ATE1: variants seen among roughly 807,000 people sequenced by gnomAD.
ATE1 encodes the protein arginyl-tRNA--protein transferase 1.
ATE1 carries 36 observed loss-of-function variants against 70.5 expected under a neutral mutation model. The observed-to-expected ratio is 0.51, with a 90% CI of 0.39 to 0.67. The LOEUF (loss-of-function observed/expected upper bound fraction) is 0.67. ATE1 is among the 30% of genes least tolerant of loss of function. The pLI is 0.00. For missense variants in ATE1, 593 were observed against 629.5 expected, an observed-to-expected ratio of 0.94 and a Z score of 0.62; for synonymous variants, 232 against 219.3, an observed-to-expected ratio of 1.06 and a Z score of -0.51.
chr10:121,876,355 AC>A (rs1564918649), intron 7 of ATE1, among the ~76,000 whole-genome samples: 1 of 152,198 alleles, frequency 6.6e-6, no homozygotes, highest in African/African-American at 2.4e-5. Context: ...ATATCTTTTT[AC>A]TATTTTTTGC....
chr10:121,867,058 G>C (rs1949689640), intron 8 of ATE1, among the ~76,000 whole-genome samples: 2 of 152,002 alleles, frequency 1.3e-5, no homozygotes, highest in African/African-American at 4.8e-5. Flanking sequence ...TTTTAGCTGA[G>C]TCCTACCAAA....
At chr10:121,814,328 C>G (rs565496742) in intron 10 of ATE1, among the ~76,000 whole-genome samples, 2 of 152,300 alleles carry the variant, frequency 1.3e-5, no homozygotes, top group African/African-American at 4.8e-5. Flanking sequence ...GCAAAGGAAT[C>G]TGGATTTAAG....
At chr10:121,865,688 G>C (rs1949641145) in intron 8 of ATE1, among the ~76,000 whole-genome samples, 1 of 152,146 alleles carries the variant, frequency 6.6e-6, no homozygotes, top group East Asian at 1.9e-4. Context: ...TGCCTGACTT[G>C]ACGAGGTGAT....
chr10:121,830,326 C>T lies in ATE1; in HGVS notation c.1257+6392G>A, dbSNP rs139580986. 2.9e-3 allele frequency among the ~76,000 whole-genome samples: 441 copies of T among 152,188 alleles called. 3 individuals are homozygous for T. Among genetic ancestry groups the T allele is most frequent in the African/African-American group, 9.8e-3 (409 of 41,528 alleles). ...TGTCTAGTGGGAGTGAGTAGGTTCT[C>T]ACTCTCATGGGAATGGATGTGTTCC... On this transcript the variant is annotated intron_variant, in intron 10 of 11. Transcript: ENST00000224652.
intron 3 of ATE1, among the ~76,000 whole-genome samples, chr10:121,920,134 G>T (rs566968829): frequency 2.0e-5 from 3 of 152,186 alleles, no homozygotes; most frequent in African/African-American, 7.2e-5. Context: ...TATACACATT[G>T]AAATTGGGGG....
intron 11 of ATE1, among the ~76,000 whole-genome samples, chr10:121,788,978 G>C (rs1946322458): frequency 6.6e-6 from 1 of 152,186 alleles, no homozygotes; most frequent in East Asian, 1.9e-4. Flanking sequence ...AGACTACAGG[G>C]AGGTAAACAA....
At chr10:121,844,682 C>T (rs1948749926) in intron 8 of ATE1, among the ~76,000 whole-genome samples, 1 of 152,132 alleles carries the variant, frequency 6.6e-6, no homozygotes, top group Non-Finnish European at 1.5e-5. Flanking sequence ...CTGGAAGCAA[C>T]CAAGATGTCC....
chr10:121,893,537 AATAATT>A (rs1950656981), intron 7 of ATE1, among the ~76,000 whole-genome samples: 1 of 152,238 alleles, frequency 6.6e-6, no homozygotes, highest in South Asian at 2.1e-4. Flanking sequence ...TATATAAAGG[AATAATT>A]ATAATTATTG....
At chr10:121,874,607 C>T (rs1949970455) in intron 7 of ATE1, among the ~76,000 whole-genome samples, 2 of 152,142 alleles carry the variant, frequency 1.3e-5, no homozygotes, top group Admixed American at 1.3e-4. Context: ...TTTTTTATAG[C>T]TATTCTCTAT....
intron 10 of ATE1, among the ~76,000 whole-genome samples, chr10:121,804,387 T>C (rs1780386018): frequency 6.6e-6 from 1 of 152,150 alleles, no homozygotes; most frequent in African/African-American, 2.4e-5. Context: ...GAGCCAATCA[T>C]CACCAAACAA....
In ATE1 at chr10:121,763,002, ACT is replaced by A. The variant is rs1945118302; in HGVS notation, c.1379-19146_1379-19145del. On this transcript the variant is annotated intron_variant, in intron 11 of 11. Transcript: ENST00000224652. ...TATTGATGATGTTAACTGAAGACTT[ACT>A]GCATATGACGTGAGGGCAGGATACT... is the stretch of plus-strand genomic sequence containing the variant. Among the ~76,000 whole-genome samples, 3 of 152,300 alleles carry A rather than the reference ACT, an allele frequency of 2.0e-5. No individual in the cohort carries two copies. The South Asian group carries it at 6.2e-4, about 32-fold the overall frequency.
At chr10:121,921,733 T>A (rs1189153972) in intron 3 of ATE1, among the ~76,000 whole-genome samples, 1 of 152,144 alleles carries the variant, frequency 6.6e-6, no homozygotes, top group African/African-American at 2.4e-5. Context: ...TGCCTCTGTA[T>A]CCCTGCTTTC....
intron 8 of ATE1, chr10:121,846,731 A>C (rs1362257177): frequency 7.2e-6 from 1 of 138,036 alleles, no homozygotes; most frequent in Non-Finnish European, 1.7e-5. Context: ...TAAATAAATA[A>C]ATAAATAAAT....
intron 7 of ATE1, among the ~76,000 whole-genome samples, chr10:121,874,029 T>C (rs1949949683): frequency 6.6e-6 from 1 of 152,190 alleles, no homozygotes; most frequent in Non-Finnish European, 1.5e-5. Context: ...TCCTGGGCTT[T>C]TCACTTATTG....
rs185538523 is a variant in ATE1, at chr10:121,912,006, A to G, written c.338-855T>C. The stretch of plus-strand genomic sequence containing the variant: ...CGTGATCCACCTGCCTCGGCCTCCC[A>G]AAGTGCTGGGATTACAGGCGTGAAC... On this transcript the variant is annotated intron_variant, in intron 4 of 11. Transcript: ENST00000224652. Among the ~76,000 whole-genome samples the G allele has an allele frequency of 1.1e-3, 172 of 152,146 alleles. 1 individual carries two copies. Among genetic ancestry groups the G allele is most frequent in the African/African-American group, 3.9e-3 (163 of 41,550 alleles).
chr10:121,897,003 T>G (rs932166118), intron 7 of ATE1, among the ~76,000 whole-genome samples: 5 of 152,134 alleles, frequency 3.3e-5, no homozygotes, highest in African/African-American at 7.2e-5. Context: ...TCTCCCTTTT[T>G]GTCCTGGCAA....
At chr10:121,914,069 A>T (rs892873601) in intron 3 of ATE1, among the ~76,000 whole-genome samples, 176 bp from the exon 4 acceptor site, 4 of 149,760 alleles carry the variant, frequency 2.7e-5, no homozygotes, top group African/African-American at 9.8e-5. Flanking sequence ...TAGTTAAGAG[A>T]TTTTTTTTTT....
At chr10:121,920,364 T>C (rs146626382) in intron 3 of ATE1, among the ~76,000 whole-genome samples, 3 of 151,576 alleles carry the variant, frequency 2.0e-5, no homozygotes, top group Non-Finnish European at 4.4e-5. Flanking sequence ...AGACCCCTTT[T>C]CTATAAAAAA....
intron 10 of ATE1, among the ~76,000 whole-genome samples, chr10:121,808,184 G>A (rs1461421053): frequency 6.6e-6 from 1 of 152,158 alleles, no homozygotes; most frequent in Non-Finnish European, 1.5e-5. Context: ...GTAGATGTAC[G>A]AATGTTTCTC....
Sources: allele counts gnomAD v4.1 joint callset (sites outside exome capture counted in the v4.1 genomes callset), GRCh38; gene constraint gnomAD v4.1.1; transcripts MANE v1.5; gene names NCBI Gene and HGNC (gene_info 2026-07-23, HGNC 2026-07-21).